TANK: variants seen among roughly 807,000 people sequenced by gnomAD.
The protein encoded by TANK is TRAF family member-associated NF-kappa-B activator.
In TANK, 15 loss-of-function variants were observed where a neutral mutation model predicts 43.6. That is an observed-to-expected ratio of 0.34 (90% CI 0.23 to 0.53). The LOEUF (loss-of-function observed/expected upper bound fraction) is 0.53, where lower values mean the gene tolerates loss of function less well. Among genes scored for constraint, TANK ranks in the 20% least tolerant of loss-of-function variants. The pLI is 0.94. For missense variants in TANK, 417 were observed against 498.6 expected, an observed-to-expected ratio of 0.84 and a Z score of 1.56; for synonymous variants, 162 against 178.2, an observed-to-expected ratio of 0.91 and a Z score of 0.73.
At chr2:161,205,251 G>A (rs1686596324) in intron 4 of TANK, among the ~76,000 whole-genome samples, 3 of 152,104 alleles carry the variant, frequency 2.0e-5, no homozygotes, top group Admixed American at 2.0e-4. Context: ...AAGAAGTCAA[G>A]GCTGCTGCAG....
At chr2:161,143,357 A>G (rs1683807983) in intron 1 of TANK, among the ~76,000 whole-genome samples, 1 of 152,136 alleles carries the variant, frequency 6.6e-6, no homozygotes. Flanking sequence ...TTCCAATACT[A>G]TGTTGAATAG....
chr2:161,142,421 C>A (rs1488298435), intron 1 of TANK, among the ~76,000 whole-genome samples: 1 of 152,180 alleles, frequency 6.6e-6, no homozygotes, highest in East Asian at 1.9e-4. Flanking sequence ...AATGGTCTTA[C>A]CTAGGTTTTC....
intron 4 of TANK, among the ~76,000 whole-genome samples, chr2:161,205,226 G>C (rs1411278532): frequency 6.6e-6 from 1 of 152,044 alleles, no homozygotes; most frequent in Non-Finnish European, 1.5e-5. Context: ...CTCAGTAGGA[G>C]GATTGTTTGG....
At position 161,209,292 on chromosome 2, in the gene TANK, C is replaced by CA. The variant is rs1558997258; in HGVS notation, c.327+4504dup. Among the ~76,000 whole-genome samples, 3 of 152,086 alleles carry CA rather than the reference C, an allele frequency of 2.0e-5. No homozygotes were observed. The South Asian group carries it at 6.2e-4, about 32-fold the overall frequency. On this transcript the variant is annotated intron_variant, in intron 4 of 7. Coordinates refer to ENST00000392749, the MANE Select transcript of TANK (RefSeq NM_001199135.3). The stretch of plus-strand genomic sequence containing the variant: ...AAAATGCAGATAGGAAATCAGATAA[C>CA]AAAAATGCACACAATTATTCTTGAC...
At chr2:161,168,230 T>C (rs986164324) in intron 1 of TANK, among the ~76,000 whole-genome samples, 2 of 152,186 alleles carry the variant, frequency 1.3e-5, no homozygotes, top group African/African-American at 4.8e-5. Context: ...TTAAAAGTTT[T>C]TATTTCTCAC....
At chr2:161,195,726 T>C (rs1278404939) in intron 2 of TANK, among the ~76,000 whole-genome samples, 1 of 152,148 alleles carries the variant, frequency 6.6e-6, no homozygotes, top group Non-Finnish European at 1.5e-5. Context: ...GAATAGGCTA[T>C]TGCAGCAGTC....
rs199637182 is a variant in TANK, at chr2:161,220,346, T to TA, written c.328-3567dup. ...AGCTGGGCGCGGTGGCTCACGCCTGTAATCCCAGCACTTTCGGAGGCCGAG... is the reference window on the plus strand; with the variant it reads ...AGCTGGGCGCGGTGGCTCACGCCTGTAAATCCCAGCACTTTCGGAGGCCGAG... On this transcript the variant is annotated intron_variant, in intron 4 of 7. Transcript: ENST00000392749. Among the ~76,000 whole-genome samples, 511 of 152,352 alleles carry TA rather than the reference T, an allele frequency of 3.4e-3. 7 individuals are homozygous for TA. The highest frequency in any genetic ancestry group is 0.012 in the African/African-American group (493 of 41,582).
At chr2:161,233,106 A>G (rs1179946678) in intron 7 of TANK, among the ~76,000 whole-genome samples, 2 of 152,206 alleles carry the variant, frequency 1.3e-5, no homozygotes, top group Non-Finnish European at 2.9e-5. Context: ...GAGTTGGGCC[A>G]GGTACGGTGG....
chr2:161,206,214 A>G (rs898200387), intron 4 of TANK, among the ~76,000 whole-genome samples: 3 of 152,164 alleles, frequency 2.0e-5, no homozygotes, highest in Non-Finnish European at 2.9e-5. Context: ...ATGTATGTAT[A>G]TTATATTGTT....
intron 1 of TANK, among the ~76,000 whole-genome samples, chr2:161,147,740 C>G (rs1683957430): frequency 6.7e-6 from 1 of 150,298 alleles, no homozygotes; most frequent in Admixed American, 6.6e-5. Flanking sequence ...CCAATCGCTG[C>G]TCCTTCTAGT....
chr2:161,146,574 C>T (rs943883421), intron 1 of TANK, among the ~76,000 whole-genome samples: 11 of 152,158 alleles, frequency 7.2e-5, no homozygotes, highest in African/African-American at 2.7e-4. Flanking sequence ...TCAGGTCTCT[C>T]TTCTGTAGGA....
intron 6 of TANK, among the ~76,000 whole-genome samples, chr2:161,229,979 G>A (rs1335638566): frequency 1.3e-5 from 2 of 152,120 alleles, no homozygotes; most frequent in Admixed American, 1.3e-4. Context: ...CCCTATACTA[G>A]ACTGTAGTGT....
rs1687838530 is a variant in TANK, at chr2:161,230,187, T to C, written c.521-784T>C. Among the ~76,000 whole-genome samples, 4 of 152,312 alleles carry C rather than the reference T, an allele frequency of 2.6e-5. No homozygotes were observed. The South Asian group carries it at 8.3e-4, about 32-fold the overall frequency. Reference sequence around the variant, plus strand: ...ACAATAGGAACAAAATTCATCTATCTATGAACCTTGTGGCTCTAATTCTGG... The same window carrying C: ...ACAATAGGAACAAAATTCATCTATCCATGAACCTTGTGGCTCTAATTCTGG... On this transcript the variant is annotated intron_variant, in intron 6 of 7. Coordinates refer to ENST00000392749, the MANE Select transcript of TANK (RefSeq NM_001199135.3).
At chr2:161,138,050 A>C in intron 1 of TANK, 1 of 561,944 alleles carries the variant, frequency 1.8e-6, no homozygotes, top group Non-Finnish European at 2.2e-6. Flanking sequence ...ATATTTCATT[A>C]CACTAAAGTG....
intron 1 of TANK, among the ~76,000 whole-genome samples, chr2:161,147,624 C>T (rs542556769): frequency 2.0e-4 from 30 of 152,310 alleles, no homozygotes; most frequent in Admixed American, 7.8e-4. Context: ...TCCTTCCTCT[C>T]CGAGGGTCAC....
intron 2 of TANK, among the ~76,000 whole-genome samples, chr2:161,195,373 G>A (rs961411730): frequency 1.3e-5 from 2 of 152,136 alleles, no homozygotes; most frequent in Non-Finnish European, 2.9e-5. Flanking sequence ...ATTGCTATTA[G>A]AATGTCTGTT....
At chr2:161,171,687 C>A (rs1684945159) in intron 1 of TANK, among the ~76,000 whole-genome samples, 1 of 152,134 alleles carries the variant, frequency 6.6e-6, no homozygotes, top group African/African-American at 2.4e-5. Context: ...GAAATTTCAA[C>A]TCTTTTTTCA....
intron 2 of TANK, chr2:161,200,350 A>G: frequency 8.1e-6 from 8 of 985,042 alleles, no homozygotes; most frequent in Non-Finnish European, 9.6e-6. Flanking sequence ...GACCTTGTAA[A>G]AGGACTTTTC....
At chr2:161,220,766 C>T (rs1390140881) in intron 4 of TANK, among the ~76,000 whole-genome samples, 1 of 152,072 alleles carries the variant, frequency 6.6e-6, no homozygotes, top group Non-Finnish European at 1.5e-5. Context: ...TTAGTATCAA[C>T]TATAACAAAA....
Sources: gnomAD v4.1 joint callset for allele counts (sites outside exome capture counted in the v4.1 genomes callset) on GRCh38, gnomAD v4.1.1 for gene constraint, MANE v1.5 for transcripts, NCBI Gene and HGNC (gene_info 2026-07-23, HGNC 2026-07-21) for gene names.